ACACB: variants seen among roughly 807,000 people sequenced by gnomAD.
ACACB encodes the protein acetyl-CoA carboxylase beta.
Under a neutral mutation model 278.8 loss-of-function variants are expected in ACACB, and 209 were observed. The ratio of observed to expected loss-of-function variants is 0.75; its 90% CI spans 0.67 to 0.84. ACACB has a LOEUF of 0.84. Among genes scored for constraint, ACACB ranks in the 40% least tolerant of loss-of-function variants. ACACB has a pLI of 0.00. For synonymous variants in ACACB, 1,174 were observed against 1,285.6 expected (o/e 0.91, Z 1.86); for missense variants, 2,850 against 3,269.0 (o/e 0.87, Z 3.13).
chr12:109,162,454 G>T (rs540860061), intron 2 of ACACB, among the ~76,000 whole-genome samples: 1 of 152,010 alleles, frequency 6.6e-6, no homozygotes, highest in Non-Finnish European at 1.5e-5. Context: ...GGGTAAGGAG[G>T]GTACCAAAAT....
chr12:109,192,367 G>C (rs181183820), intron 15 of ACACB, among the ~76,000 whole-genome samples: 1 of 152,160 alleles, frequency 6.6e-6, no homozygotes, highest in Non-Finnish European at 1.5e-5. Flanking sequence ...GCAACCAGGC[G>C]ATCTCTGTTA....
At position 109,209,885 on chromosome 12, in the gene ACACB, A is replaced by G. The variant is rs1269525513; in HGVS notation, c.3249+532A>G. Among the ~76,000 whole-genome samples the G allele has an allele frequency of 1.5e-4, 19 of 130,506 alleles. 1 individual carries two copies. Among genetic ancestry groups the G allele is most frequent in the African/African-American group, 3.2e-4 (11 of 34,236 alleles). The allele number at this position is 130,506 out of a possible 152,430, so 85.6% of individuals were successfully genotyped here. ...TATACACACATACACACACGTGTGT[A>G]TATATGTATATACACACATACACAC... On this transcript the variant is annotated intron_variant, in intron 21 of 52. Transcript: ENST00000338432.
At chr12:109,171,986 A>T (rs529089801) in intron 5 of ACACB, 72 bp downstream of exon 5, 5 of 1,299,416 alleles carry the variant, frequency 3.8e-6, no homozygotes, top group Non-Finnish European at 5.5e-6. Flanking sequence ...GTTCAATTCC[A>T]CAGTTCACAA....
intron 1 of ACACB, among the ~76,000 whole-genome samples, chr12:109,134,901 C>T (rs2135999325): frequency 6.6e-6 from 1 of 152,290 alleles, no homozygotes; most frequent in East Asian, 1.9e-4. Flanking sequence ...AATTTTCCAA[C>T]CCTAAATATC....
chr12:109,210,885 GAA>G (rs544983136), intron 21 of ACACB, among the ~76,000 whole-genome samples: 19 of 105,308 alleles, frequency 1.8e-4, no homozygotes, highest in African/African-American at 6.5e-4. Context: ...CTGTGCTCCA[GAA>G]AAAAAAAAAA....
At chr12:109,199,624 G>A in intron 18 of ACACB, 72 bp downstream of exon 18, 2 of 1,323,180 alleles carry the variant, frequency 1.5e-6, no homozygotes, top group Non-Finnish European at 2.0e-6. Context: ...TCCCATGTCT[G>A]AACAAACAGG....
chr12:109,224,878 G>C (rs765365753), intron 27 of ACACB, among the ~76,000 whole-genome samples: 6 of 152,272 alleles, frequency 3.9e-5, no homozygotes, highest in Non-Finnish European at 8.8e-5. Flanking sequence ...GCTGGCAGTA[G>C]TTTTTCCAAT....
At chr12:109,209,845 G>A (rs1379833648) in intron 21 of ACACB, among the ~76,000 whole-genome samples, 2 of 137,864 alleles carry the variant, frequency 1.5e-5, no homozygotes, top group Non-Finnish European at 1.6e-5. Flanking sequence ...ATACACACAC[G>A]TGTGTATATA....
chr12:109,128,913 T>C (rs1288793940), intron 1 of ACACB, among the ~76,000 whole-genome samples: 2 of 152,020 alleles, frequency 1.3e-5, no homozygotes, highest in Non-Finnish European at 2.9e-5. Context: ...GCTGGAATTA[T>C]AGGCATGAGC....
intron 2 of ACACB, among the ~76,000 whole-genome samples, chr12:109,145,195 T>G (rs1315881241): frequency 6.6e-6 from 1 of 152,220 alleles, no homozygotes; most frequent in African/African-American, 2.4e-5. Context: ...GTTTCAAAGT[T>G]CAGACTGATT....
chr12:109,206,243 G>A (rs886186508), intron 19 of ACACB, among the ~76,000 whole-genome samples: 2 of 151,976 alleles, frequency 1.3e-5, no homozygotes, highest in African/African-American at 4.8e-5. Context: ...AGACCATCCT[G>A]GCCAACATGG....
rs767320354 is a variant in ACACB, at chr12:109,246,251, G to A, written c.5374G>A (p.Gly1792Ser). The change falls in exon 39 of 53, where the codon GGC becomes AGC. Residue 1792 changes from glycine (G) to serine (S), a missense_variant. Transcript: ENST00000338432. ...GGAAGGACGGGATGTGATCGTCATC[G>A]GCAATGACATCACCTTTCGCATTGG... ...YPEGRDVIVIGNDITFRIGSF... is the reference protein window; with the variant it reads ...YPEGRDVIVISNDITFRIGSF... 1.7e-5 allele frequency: 27 copies of A among 1,613,488 alleles called. No individual in the cohort carries two copies. The highest frequency in any genetic ancestry group is 6.7e-5 in the East Asian group (3 of 44,850).
At chr12:109,144,227 C>T (rs2043185319) in intron 2 of ACACB, among the ~76,000 whole-genome samples, 2 of 152,020 alleles carry the variant, frequency 1.3e-5, no homozygotes, top group East Asian at 3.9e-4. Flanking sequence ...GTGGGAGAAT[C>T]GCCTGAACTC....
chr12:109,247,083 C>T (rs569563846), intron 39 of ACACB, among the ~76,000 whole-genome samples: 4 of 148,780 alleles, frequency 2.7e-5, no homozygotes, highest in Admixed American at 2.0e-4. Context: ...CCCCCCATCT[C>T]AAAAAAAAAG....
chr12:109,265,196 C>G lies in ACACB; in HGVS notation c.7029C>G (p.Ile2343Met), dbSNP rs746978944. The part of the protein sequence containing the change: ...LLLEDQVKQE[I>M]LQASGELSHV... ...TGGAGGACCAGGTCAAGCAGGAGAT[C>G]CTGCAGGCCAGCGGGGAGCTGAGTC... Residue 2343 changes from isoleucine (I) to methionine (M), a missense_variant, in exon 51 of 53, where the codon ATC becomes ATG. Physicochemically the swap from Ile to Met is conservative, Grantham distance 10 (BLOSUM62 1). This residue lies in a region of ACACB where 579 missense variants were observed against 684.6 expected (regional missense o/e 0.85). Transcript: ENST00000338432. 2 of 1,613,830 alleles carry G rather than the reference C, an allele frequency of 1.2e-6. No individual in the cohort carries two copies. The highest frequency in any genetic ancestry group is 3.3e-5 in the Admixed American group (2 of 60,026).
At chr12:109,141,121 T>A (rs942575445) in intron 2 of ACACB, among the ~76,000 whole-genome samples, 1 of 152,010 alleles carries the variant, frequency 6.6e-6, no homozygotes, top group African/African-American at 2.4e-5. Flanking sequence ...CAGGCTGGTC[T>A]CCAACTCCTG....
Position 109,235,334 on chromosome 12 carries a change from G to A in ACACB, c.4369G>A (p.Gly1457Arg). The A allele has an allele frequency of 6.2e-7, 1 of 1,614,058 alleles. No individual in the cohort carries two copies. ...GCAGAAAAATATCCTTGTGGATTAT[G>A]GACTCCGACGAATCACATTCTTGAT... Reference protein sequence around the residue: ...QSKKNILVDYGLRRITFLIAQ... With the variant: ...QSKKNILVDYRLRRITFLIAQ... Residue 1457 changes from glycine to arginine, a missense_variant, in exon 32 of 53, where the codon GGA becomes AGA. Gly to Arg is a moderately radical substitution (Grantham distance 125). This residue lies in a region of ACACB where 2,265 missense variants were observed against 2,561.3 expected (regional missense o/e 0.88). Transcript: ENST00000338432.
intron 48 of ACACB, among the ~76,000 whole-genome samples, chr12:109,261,819 C>T (rs1221794674): frequency 3.4e-5 from 5 of 146,468 alleles, no homozygotes; most frequent in South Asian, 2.2e-4. Context: ...TGTAGTGAAC[C>T]GAGATAGTGC....
intron 17 of ACACB, among the ~76,000 whole-genome samples, chr12:109,199,057 G>T (rs560674184): frequency 6.6e-6 from 1 of 152,224 alleles, no homozygotes; most frequent in African/African-American, 2.4e-5. Flanking sequence ...GGATGTGGTG[G>T]TGGGCGCCTG....
Sources: allele counts gnomAD v4.1 joint callset (sites outside exome capture counted in the v4.1 genomes callset), GRCh38; gene constraint gnomAD v4.1.1; regional missense constraint gnomAD v4.1.1; transcripts MANE v1.5; gene names NCBI Gene and HGNC (gene_info 2026-07-23, HGNC 2026-07-21).